The following DOK4 variants were observed in gnomAD, a reference collection of about 807,000 sequenced individuals.
DOK4 encodes the protein downstream of tyrosine kinase 4.
A neutral mutation model predicts 40.1 loss-of-function variants in DOK4; 26 were observed. The observed-to-expected ratio is 0.65, with a 90% CI of 0.48 to 0.90. The LOEUF is 0.90. DOK4 is among the 40% of genes least tolerant of loss of function. The pLI is 0.00. For synonymous variants in DOK4, 179 were observed against 177.0 expected, an observed-to-expected ratio of 1.01 and a Z score of -0.09; for missense variants, 392 against 437.2, an observed-to-expected ratio of 0.90 and a Z score of 0.92.
chr16:57,472,076 AC>A (rs1461693901), exon 9 of DOK4: 1 of 152,484 alleles, frequency 6.6e-6, no homozygotes, highest in Non-Finnish European at 1.5e-5. Context: ...AGACCTTTGG[AC>A]CCCAGTTCCC....
intron 2 of DOK4, among the ~76,000 whole-genome samples, chr16:57,478,956 C>A (rs13336466): frequency 5.1e-4 from 78 of 152,198 alleles, no homozygotes; most frequent in Non-Finnish European, 2.4e-4. Context: ...AATATCTGCA[C>A]ACGGAAAGCA....
At position 57,479,558 on chromosome 16, in the gene DOK4, A is replaced by G; in HGVS notation, c.-51T>C. On this transcript the variant is annotated 5_prime_UTR_variant, in exon 2 of 9. Coordinates refer to ENST00000340099, the Ensembl canonical transcript of DOK4. This position sits in a 1 kb window ranked among gnomAD's most constrained non-coding sequence, Gnocchi z 5.8. ...GGGCCTGGCAGAGGCGAGGGGAAGG[A>G]TGCCCAGGTGCCTGGGTCTCCGGCT... 6.2e-7 allele frequency: 1 copy of G among 1,601,976 alleles called. No homozygotes were observed. Among genetic ancestry groups the G allele is most frequent in the African/African-American group, 1.3e-5 (1 of 74,848 alleles).
chr16:57,473,068 G>A, exon 9 of DOK4: 1 of 330,952 alleles, frequency 3.0e-6, no homozygotes, highest in Non-Finnish European at 5.6e-6. Context: ...AAAAATTTGT[G>A]TGTATTGGTG....
intron 7 of DOK4, 77 bp from the exon 8 acceptor site, chr16:57,473,813 C>T (rs1173757595): frequency 5.7e-6 from 9 of 1,592,518 alleles, no homozygotes; most frequent in Non-Finnish European, 7.7e-6. Context: ...ACCCTACCTG[C>T]CTCCACTGTG....
intron 7 of DOK4, 43 bp downstream of exon 7, chr16:57,473,858 T>TGC: frequency 2.6e-6 from 4 of 1,549,156 alleles, no homozygotes; most frequent in Non-Finnish European, 2.6e-6. Context: ...GCCCGCCCGT[T>TGC]CCCCCCTCCC....
At chr16:57,484,749 G>T (rs944904933) in intron 1 of DOK4, among the ~76,000 whole-genome samples, 2 of 152,164 alleles carry the variant, frequency 1.3e-5, no homozygotes, top group African/African-American at 4.8e-5. Flanking sequence ...TCCTCCAGGA[G>T]GCCTTCCCTG....
intron 2 of DOK4, among the ~76,000 whole-genome samples, chr16:57,477,975 A>G (rs536242822): frequency 6.3e-4 from 96 of 152,302 alleles, no homozygotes; most frequent in Non-Finnish European, 1.1e-3. Context: ...TACTGAGCCC[A>G]AGTGGCTGCC....
At chr16:57,475,215 T>C (rs751506746) in exon 5 of DOK4, 10 of 1,612,328 alleles carry the variant, frequency 6.2e-6, no homozygotes, top group Non-Finnish European at 8.5e-6. Context: ...CCTCTGCCTC[T>C]AGCTCTGAAG....
intron 2 of DOK4, among the ~76,000 whole-genome samples, chr16:57,477,835 G>C (rs1164615957): frequency 6.6e-6 from 1 of 152,188 alleles, no homozygotes; most frequent in African/African-American, 2.4e-5. Context: ...TCTCACACCA[G>C]GGGAAGTGAG....
rs752914476 is a variant in DOK4 at position 57,473,954 on chromosome 16, C to A, written c.685G>T (p.Ala229Ser). Residue 229 changes from alanine (A) to serine (S), a missense_variant, in exon 7 of 9, where the codon GCC becomes TCC. Physicochemically the swap from Ala to Ser is moderately conservative, Grantham distance 99. Coordinates refer to ENST00000340099, the Ensembl canonical transcript of DOK4. ...ACCCGCTTGTGCTGCTCTGCGATGGCCAGGGTGGCACTGTGGACGCGCTGG... is the reference window on the plus strand; with the variant it reads ...ACCCGCTTGTGCTGCTCTGCGATGGACAGGGTGGCACTGTGGACGCGCTGG... 13 of 1,602,702 alleles carry A rather than the reference C, an allele frequency of 8.1e-6. No individual in the cohort carries two copies. Among genetic ancestry groups the A allele is most frequent in the Non-Finnish European group, 1.0e-5 (12 of 1,173,102 alleles).
chr16:57,479,444 C>G lies in DOK4; in HGVS notation c.64G>C (p.Gly22Arg), dbSNP rs144483557. The change falls in exon 2 of 9, where the codon GGG becomes CGG. Residue 22 changes from glycine (G) to arginine (R), a missense_variant and splice_region_variant. Coordinates refer to ENST00000340099, the Ensembl canonical transcript of DOK4. The surrounding 1 kb of genome is among the most constrained non-coding windows in gnomAD (Gnocchi z 5.8). Reference sequence around the variant, plus strand: ...CTCCGCAGCTCAGGGTCACTCACCCCGAGCTTCCTGCTCTTCATCTTCACG... The same window carrying G: ...CTCCGCAGCTCAGGGTCACTCACCCGGAGCTTCCTGCTCTTCATCTTCACG... 6.2e-7 allele frequency: 1 copy of G among 1,613,478 alleles called. No individual in the cohort carries two copies. The highest frequency in any genetic ancestry group is 1.3e-5 in the African/African-American group (1 of 74,932).
Position 57,473,700 on chromosome 16 carries a change from A to C in DOK4, c.775T>G (p.Cys259Gly), listed in dbSNP as rs1455271021. ...CGCGGCAGCATGGTCGTGGGTGTGC[A>C]GGGATACGAGTAATGTTCCGTGCCC... Residue 259 changes from cysteine (C) to glycine (G), a missense_variant, in exon 8 of 9, where the codon TGC becomes GGC. Coordinates refer to ENST00000340099, the Ensembl canonical transcript of DOK4. 4.3e-6 allele frequency: 7 copies of C among 1,613,858 alleles called. No homozygotes were observed. The highest frequency in any genetic ancestry group is 5.9e-6 in the Non-Finnish European group (7 of 1,179,902).
exon 9 of DOK4, chr16:57,473,381 T>G (rs2030966646): frequency 1.2e-6 from 2 of 1,612,930 alleles, no homozygotes; most frequent in South Asian, 2.2e-5. Context: ...CTGTGGTCAC[T>G]GGGATGGGGT....
exon 6 of DOK4, chr16:57,474,879 G>T: frequency 6.2e-7 from 1 of 1,614,188 alleles, no homozygotes; most frequent in Non-Finnish European, 8.5e-7. Flanking sequence ...TCACACGGGG[G>T]TTGTGGATGT....
At chr16:57,473,937 G>T in exon 7 of DOK4, 1 of 1,596,680 alleles carries the variant, frequency 6.3e-7, no homozygotes, top group Non-Finnish European at 8.5e-7. Context: ...GGACCCGCTT[G>T]TGCTGCTCTG....
upstream of DOK4, chr16:57,487,176 G>A (rs1192065915): frequency 2.0e-5 from 3 of 152,110 alleles, no homozygotes; most frequent in Non-Finnish European, 4.4e-5. Flanking sequence ...GTGCCAGGCA[G>A]GGACAAGAGA....
In DOK4 at chr16:57,479,797, T is replaced by G; in HGVS notation, c.-181-109A>C. ...TTCCCACACTCCTCCTCTCTCCCTCTTCCCTCCCTCCTTCCTCCCGCCCTT... is the reference window on the plus strand; with the variant it reads ...TTCCCACACTCCTCCTCTCTCCCTCGTCCCTCCCTCCTTCCTCCCGCCCTT... On this transcript the variant is annotated intron_variant, in intron 1 of 8. Transcript: ENST00000340099. This position sits in a 1 kb window ranked among gnomAD's most constrained non-coding sequence, Gnocchi z 5.8. The G allele has an allele frequency of 7.5e-5, 23 of 305,072 alleles. No individual in the cohort carries two copies. The highest frequency in any genetic ancestry group is 1.0e-4 in the Non-Finnish European group (16 of 160,562). The allele number at this position is 305,072 out of a possible 1,614,324, so 18.9% of individuals were successfully genotyped here.
chr16:57,482,630 G>A (rs62039362), intron 1 of DOK4, among the ~76,000 whole-genome samples: 5,631 of 152,068 alleles, frequency 0.037, 141 homozygotes, highest in Middle Eastern at 0.092. Context: ...GCCTTCCAAC[G>A]TTCTGGGATT....
In DOK4 at chr16:57,482,358, C is replaced by CT. The variant is rs1437029605; in HGVS notation, c.-181-2671dup. ...TAAAAACTTGTTTGTAGAGATGGGG[C>CT]TTTTGTTTTTTTTTTTTTTTTTTTT... On this transcript the variant is annotated intron_variant, in intron 1 of 8. Coordinates refer to ENST00000340099, the Ensembl canonical transcript of DOK4. Among the ~76,000 whole-genome samples, 520 of 111,566 alleles carry CT rather than the reference C, an allele frequency of 4.7e-3. 7 individuals are homozygous for CT. The highest frequency in any genetic ancestry group is 0.015 in the African/African-American group (457 of 30,068). The allele number at this position is 111,566 out of a possible 152,430, so 73.2% of individuals were successfully genotyped here.
Sources: allele counts gnomAD v4.1 joint callset (sites outside exome capture counted in the v4.1 genomes callset), GRCh38; gene constraint gnomAD v4.1.1; non-coding constraint Gnocchi (gnomAD v3.1); transcripts MANE v1.5; gene names NCBI Gene and HGNC (gene_info 2026-07-23, HGNC 2026-07-21).